Variants in RBM18 observed in about 807,000 individuals in gnomAD.
RBM18 encodes the protein RNA binding motif protein 18.
In RBM18, 18 loss-of-function variants were observed where a neutral mutation model predicts 26.4. The ratio of observed to expected loss-of-function variants is 0.68; its 90% CI spans 0.47 to 1.01. The LOEUF is 1.01. RBM18 is among the 50% of genes least tolerant of loss of function. The pLI is 0.00. For synonymous variants in RBM18, 74 were observed against 81.1 expected, an observed-to-expected ratio of 0.91 and a Z score of 0.47; for missense variants, 180 against 219.2, an observed-to-expected ratio of 0.82 and a Z score of 1.13.
At chr9:122,243,423 A>AT (rs1464747319) in intron 5 of RBM18, among the ~76,000 whole-genome samples, 6 of 152,154 alleles carry the variant, frequency 3.9e-5, no homozygotes, top group Admixed American at 3.3e-4. Context: ...CAAAGCCCTC[A>AT]TTTTTTCTTC....
In RBM18 at chr9:122,240,356, G is replaced by T. The variant is rs545347801; in HGVS notation, c.*1528C>A. The T allele has an allele frequency of 1.2e-4, 19 of 152,300 alleles. No individual in the cohort carries two copies. The South Asian group carries it at 3.3e-3, about 27-fold the overall frequency. The allele number at this position is 152,300 out of a possible 1,614,324, so 9.4% of individuals were successfully genotyped here. On this transcript the variant is annotated 3_prime_UTR_variant, in exon 6 of 6. Coordinates refer to ENST00000417201, the MANE Select transcript of RBM18 (RefSeq NM_033117.4). Reference sequence around the variant, plus strand: ...CTAATACATACAGAAAGTATTTGATGTCTAGAGATATTTAAAAAGATTAAC... The same window carrying T: ...CTAATACATACAGAAAGTATTTGATTTCTAGAGATATTTAAAAAGATTAAC...
At position 122,251,963 on chromosome 9, in the gene RBM18, G is replaced by A. The variant is rs762847246; in HGVS notation, c.124C>T (p.Leu42Phe). The A allele has an allele frequency of 6.2e-7, 1 of 1,614,136 alleles. No individual in the cohort carries two copies. Among genetic ancestry groups the A allele is most frequent in the East Asian group, 2.2e-5 (1 of 44,874 alleles). ...LDPKITEYHL[L>F]KLLQKFGKVK... Reference sequence around the variant, plus strand: ...TTGCCAAACTTCTGGAGGAGCTTGAGGAGGTGGTATCTGTGGAGAAAGAAG... The same window carrying A: ...TTGCCAAACTTCTGGAGGAGCTTGAAGAGGTGGTATCTGTGGAGAAAGAAG... The change falls in exon 3 of 6, where the codon CTC becomes TTC. Residue 42 changes from leucine (L) to phenylalanine (F), a missense_variant. By Grantham distance (22) the Leu-to-Phe change is conservative. Coordinates refer to ENST00000417201, the MANE Select transcript of RBM18 (RefSeq NM_033117.4).
chr9:122,252,089 G>T, intron 2 of RBM18, 116 bp from the exon 3 acceptor site: 1 of 1,350,770 alleles, frequency 7.4e-7, no homozygotes, highest in Non-Finnish European at 1.0e-6. Context: ...TCTCGCCCCA[G>T]CCCCCTGCCT....
intron 4 of RBM18, among the ~76,000 whole-genome samples, chr9:122,246,642 T>C (rs1831510135): frequency 1.3e-5 from 2 of 152,208 alleles, no homozygotes; most frequent in Admixed American, 6.5e-5. Context: ...CTGAACTTAG[T>C]TTTTCAGCTT....
intron 2 of RBM18, among the ~76,000 whole-genome samples, chr9:122,258,287 G>C (rs1024011668): frequency 6.6e-6 from 1 of 151,168 alleles, no homozygotes; most frequent in Admixed American, 6.6e-5. Context: ...CTTTCTTTTT[G>C]AGACAGATTC....
At chr9:122,251,799 A>G in intron 3 of RBM18, 48 bp downstream of exon 3, 1 of 1,572,376 alleles carries the variant, frequency 6.4e-7, no homozygotes, top group East Asian at 2.2e-5. Flanking sequence ...ACAAATAATT[A>G]TGACAGAGCT....
chr9:122,246,724 G>C (rs1308355553), intron 4 of RBM18, among the ~76,000 whole-genome samples: 1 of 152,212 alleles, frequency 6.6e-6, no homozygotes, highest in East Asian at 1.9e-4. Flanking sequence ...GAGTGGGGTA[G>C]AGAGCCTCTG....
At chr9:122,261,162 T>C (rs570821760) in intron 2 of RBM18, among the ~76,000 whole-genome samples, 1 of 152,220 alleles carries the variant, frequency 6.6e-6, no homozygotes, top group South Asian at 2.1e-4. Context: ...AACAGGTATA[T>C]GGATTAAAGG....
intron 1 of RBM18, among the ~76,000 whole-genome samples, chr9:122,263,775 C>T (rs1306674972): frequency 6.6e-6 from 1 of 152,092 alleles, no homozygotes; most frequent in Non-Finnish European, 1.5e-5. Flanking sequence ...GGAATAATAC[C>T]AATAGCTATT....
At chr9:122,242,072 T>C in intron 5 of RBM18, 29 bp from the exon 6 acceptor site, 2 of 1,610,888 alleles carry the variant, frequency 1.2e-6, no homozygotes, top group Non-Finnish European at 1.7e-6. Context: ...AGGATCAGAG[T>C]GGGCCTAGGT....
intron 2 of RBM18, among the ~76,000 whole-genome samples, chr9:122,255,832 C>G (rs1031182993): frequency 1.3e-5 from 2 of 152,046 alleles, no homozygotes; most frequent in Non-Finnish European, 2.9e-5. Context: ...ATAGTGAGAC[C>G]TCGTCTCTAC....
At chr9:122,251,160 C>T (rs1298133035) in intron 3 of RBM18, among the ~76,000 whole-genome samples, 2 of 152,054 alleles carry the variant, frequency 1.3e-5, no homozygotes, top group Admixed American at 6.6e-5. Context: ...CCATCTCAGC[C>T]TCCAGGGTAG....
At chr9:122,255,571 A>C (rs1443760596) in intron 2 of RBM18, among the ~76,000 whole-genome samples, 1 of 152,102 alleles carries the variant, frequency 6.6e-6, no homozygotes, top group Non-Finnish European at 1.5e-5. Context: ...GGGGAACAAG[A>C]TCTTTTTATA....
intron 5 of RBM18, chr9:122,243,971 C>T (rs1239001591): frequency 1.2e-5 from 7 of 566,170 alleles, no homozygotes; most frequent in Non-Finnish European, 1.6e-5. Flanking sequence ...ATGAAGACCA[C>T]CAAGCATAAA....
At chr9:122,253,017 T>G (rs1432404348) in intron 2 of RBM18, among the ~76,000 whole-genome samples, 1 of 152,184 alleles carries the variant, frequency 6.6e-6, no homozygotes. Flanking sequence ...CCTGGCATCC[T>G]CCGTGCTATT....
chr9:122,243,119 C>T (rs377141234), intron 5 of RBM18, among the ~76,000 whole-genome samples: 3 of 152,244 alleles, frequency 2.0e-5, no homozygotes, highest in African/African-American at 7.2e-5. Flanking sequence ...TGAGCTACCG[C>T]GCCCAGCCCC....
At chr9:122,261,543 G>A in intron 1 of RBM18, 35 bp from the exon 2 acceptor site, 2 of 1,287,642 alleles carry the variant, frequency 1.6e-6, no homozygotes, top group East Asian at 2.3e-5. Flanking sequence ...CAGGAGGGGA[G>A]TAACAATGTG....
intron 3 of RBM18, among the ~76,000 whole-genome samples, chr9:122,249,684 G>A (rs538554635): frequency 2.6e-5 from 4 of 151,462 alleles, no homozygotes; most frequent in Admixed American, 2.6e-4. Context: ...ACTCCGGCCT[G>A]GATGACAAAG....
chr9:122,257,830 G>T lies in RBM18; in HGVS notation c.113+3550C>A, dbSNP rs1259555010. Among the ~76,000 whole-genome samples, 4 of 152,218 alleles carry T rather than the reference G, an allele frequency of 2.6e-5. No individual in the cohort carries two copies. The South Asian group carries it at 8.3e-4, about 31-fold the overall frequency. On this transcript the variant is annotated intron_variant, in intron 2 of 5. Transcript: ENST00000417201. ...ACACATATAAGAAAGAGAGAGGTAA[G>T]AAGGGTCTGTTGAATGGGGAAGTGG...
Sources: allele counts gnomAD v4.1 joint callset (sites outside exome capture counted in the v4.1 genomes callset), GRCh38; gene constraint gnomAD v4.1.1; transcripts MANE v1.5; gene names NCBI Gene and HGNC (gene_info 2026-07-23, HGNC 2026-07-21).